The following CNTN4 variants were observed in gnomAD, a reference collection of about 807,000 sequenced individuals.
The protein encoded by CNTN4 is contactin 4.
A neutral mutation model predicts 122.5 loss-of-function variants in CNTN4; 77 were observed. The ratio of observed to expected loss-of-function variants is 0.63; its 90% confidence interval spans 0.52 to 0.76. The LOEUF (loss-of-function observed/expected upper bound fraction) is 0.76, where lower values mean the gene tolerates loss of function less well. Ranked by LOEUF, CNTN4 falls within the 30% of genes least tolerant of loss-of-function variation. The pLI, the probability that CNTN4 is intolerant of heterozygous loss-of-function variation, is 0.00. For synonymous variants in CNTN4, 512 were observed against 447.0 expected (o/e 1.15, Z -1.83); for missense variants, 1,256 against 1,259.1 (o/e 1.00, Z 0.04).
At chr3:2,940,486 G>C (rs1046465249) in intron 13 of CNTN4, among the ~76,000 whole-genome samples, 2 of 152,220 alleles carry the variant, frequency 1.3e-5, no homozygotes, top group African/African-American at 4.8e-5. Context: ...CGGAAGCTTA[G>C]ATATACTGCA....
intron 13 of CNTN4, among the ~76,000 whole-genome samples, chr3:2,964,757 GA>G (rs2125039685): frequency 6.6e-6 from 1 of 152,262 alleles, no homozygotes; most frequent in Non-Finnish European, 1.5e-5. Flanking sequence ...TCCCTACAAA[GA>G]CACAATTATT....
At chr3:2,320,451 T>C (rs1017096873) in intron 2 of CNTN4, among the ~76,000 whole-genome samples, 1 of 152,188 alleles carries the variant, frequency 6.6e-6, no homozygotes, top group Non-Finnish European at 1.5e-5. Context: ...CATTTACCTT[T>C]CCCTTTTAAC....
intron 2 of CNTN4, among the ~76,000 whole-genome samples, chr3:2,146,402 T>C (rs1382412095): frequency 6.6e-6 from 1 of 152,030 alleles, no homozygotes; most frequent in African/African-American, 2.4e-5. Context: ...TCTATGCATA[T>C]AGTATCTATG....
chr3:2,217,099 T>A (rs1277913862), intron 2 of CNTN4, among the ~76,000 whole-genome samples: 1 of 152,144 alleles, frequency 6.6e-6, no homozygotes, highest in African/African-American at 2.4e-5. Context: ...TGACTTAAAG[T>A]TTCTCTCCCA....
At chr3:2,427,437 C>G (rs1156634727) in intron 3 of CNTN4, among the ~76,000 whole-genome samples, 2 of 152,274 alleles carry the variant, frequency 1.3e-5, no homozygotes, top group East Asian at 1.9e-4. Context: ...GTCTGAGAGA[C>G]AGTTTGTTAT....
At chr3:2,550,348 A>G (rs1479520300) in intron 3 of CNTN4, among the ~76,000 whole-genome samples, 3 of 152,330 alleles carry the variant, frequency 2.0e-5, no homozygotes, top group African/African-American at 4.8e-5. Context: ...CATATGAAAA[A>G]AATCTCATCA....
chr3:2,227,852 G>T (rs2149526539), intron 2 of CNTN4, among the ~76,000 whole-genome samples: 1 of 152,142 alleles, frequency 6.6e-6, no homozygotes, highest in Non-Finnish European at 1.5e-5. Context: ...TCATTTGTTT[G>T]TTTCACAAAC....
At chr3:2,995,284 G>C (rs980810304) in intron 14 of CNTN4, among the ~76,000 whole-genome samples, 1 of 152,138 alleles carries the variant, frequency 6.6e-6, no homozygotes, top group Non-Finnish European at 1.5e-5. Context: ...GATGAAACAG[G>C]GTGTGATTAT....
chr3:2,693,741 A>G (rs1431669854), intron 4 of CNTN4, among the ~76,000 whole-genome samples: 1 of 152,176 alleles, frequency 6.6e-6, no homozygotes, highest in Non-Finnish European at 1.5e-5. Context: ...GGGAGAATTT[A>G]TGAATCAGAG....
intron 3 of CNTN4, among the ~76,000 whole-genome samples, chr3:2,349,665 C>T (rs1480671489): frequency 1.3e-5 from 2 of 152,056 alleles, no homozygotes; most frequent in African/African-American, 2.4e-5. Flanking sequence ...ATGAAAAATC[C>T]AAGCTTGTAG....
chr3:2,336,601 T>C (rs1472039687), intron 2 of CNTN4, among the ~76,000 whole-genome samples: 1 of 152,166 alleles, frequency 6.6e-6, no homozygotes, highest in South Asian at 2.1e-4. Context: ...AGTTGTAATA[T>C]ACAGAAACTT....
intron 2 of CNTN4, among the ~76,000 whole-genome samples, chr3:2,107,371 A>C (rs1416908313): frequency 6.6e-6 from 1 of 152,190 alleles, no homozygotes; most frequent in Non-Finnish European, 1.5e-5. Context: ...GCAACAGGAA[A>C]CTTAAAATCA....
intron 3 of CNTN4, among the ~76,000 whole-genome samples, chr3:2,356,183 CA>C (rs2044864579): frequency 6.6e-6 from 1 of 152,032 alleles, no homozygotes; most frequent in Non-Finnish European, 1.5e-5. Flanking sequence ...TCTTGGATCT[CA>C]CATAAGAATG....
At chr3:2,954,736 C>T (rs533604472) in intron 13 of CNTN4, among the ~76,000 whole-genome samples, 6 of 152,056 alleles carry the variant, frequency 3.9e-5, no homozygotes, top group Non-Finnish European at 7.4e-5. Context: ...CAATCTGGAC[C>T]TAGTAACAGG....
chr3:2,400,447 A>G (rs895728701), intron 3 of CNTN4, among the ~76,000 whole-genome samples: 1 of 136,818 alleles, frequency 7.3e-6, no homozygotes, highest in Admixed American at 7.5e-5. Flanking sequence ...ATATATATAT[A>G]TATCTCTTTT....
chr3:2,465,751 C>T (rs531947833), intron 3 of CNTN4, among the ~76,000 whole-genome samples: 8 of 151,904 alleles, frequency 5.3e-5, no homozygotes, highest in Non-Finnish European at 1.0e-4. Context: ...CAACTTGAAA[C>T]CTCTCTGTGT....
intron 2 of CNTN4, among the ~76,000 whole-genome samples, chr3:2,144,950 G>T (rs1327566437): frequency 6.6e-6 from 1 of 152,148 alleles, no homozygotes; most frequent in Non-Finnish European, 1.5e-5. Flanking sequence ...CACAATAAGG[G>T]TTTTGTACCA....
At chr3:2,185,086 C>T (rs1020404707) in intron 2 of CNTN4, among the ~76,000 whole-genome samples, 6 of 152,174 alleles carry the variant, frequency 3.9e-5, no homozygotes, top group Non-Finnish European at 5.9e-5. Flanking sequence ...CACTCAAAGA[C>T]AACTTTGGTT....
At chr3:2,564,843 C>T (rs916518518) in intron 3 of CNTN4, among the ~76,000 whole-genome samples, 1 of 152,070 alleles carries the variant, frequency 6.6e-6, no homozygotes, top group African/African-American at 2.4e-5. Flanking sequence ...TAAGAAATTT[C>T]AATGAAAGAC....
Sources: allele counts gnomAD v4.1 joint callset (sites outside exome capture counted in the v4.1 genomes callset), GRCh38; gene constraint gnomAD v4.1.1; transcripts MANE v1.5; gene names NCBI Gene and HGNC (gene_info 2026-07-23, HGNC 2026-07-21).